PLXDC1: variants seen among roughly 807,000 people sequenced by gnomAD.
PLXDC1 encodes the protein plexin domain-containing protein 1.
PLXDC1 carries 39 observed loss-of-function variants against 61.3 expected under a neutral mutation model. That is an observed-to-expected ratio of 0.64 (90% CI 0.49 to 0.83). PLXDC1 has a LOEUF of 0.83. PLXDC1 is among the 40% of genes least tolerant of loss of function. The pLI is 0.00. For missense variants in PLXDC1, 596 were observed against 666.5 expected, an observed-to-expected ratio of 0.89 and a Z score of 1.17; for synonymous variants, 212 against 254.5, an observed-to-expected ratio of 0.83 and a Z score of 1.59.
At position 39,139,707 on chromosome 17, in the gene PLXDC1, C is replaced by T. The variant is rs757389606; in HGVS notation, c.202G>A (p.Gly68Ser). ...PDRTQLSQDL[G>S]GGTLAMDTLP... Reference sequence around the variant, plus strand: ...GTGTCCATGGCCAGGGTGCCCCCACCCAGGTCCTGGCTCAGCTGGGTCCTG... The same window carrying T: ...GTGTCCATGGCCAGGGTGCCCCCACTCAGGTCCTGGCTCAGCTGGGTCCTG... The change falls in exon 2 of 14, where the codon GGT becomes AGT. Residue 68 changes from glycine to serine, a missense_variant. Transcript: ENST00000315392. 1.1e-5 allele frequency: 18 copies of T among 1,613,886 alleles called. No homozygotes were observed. The highest frequency in any genetic ancestry group is 8.0e-5 in the African/African-American group (6 of 74,898).
At chr17:39,130,597 C>T (rs971880162) in intron 2 of PLXDC1, among the ~76,000 whole-genome samples, 18 of 152,040 alleles carry the variant, frequency 1.2e-4, no homozygotes, top group Non-Finnish European at 1.8e-4. Context: ...GACAGTCTTG[C>T]TCTGTCGCCC....
intron 2 of PLXDC1, among the ~76,000 whole-genome samples, chr17:39,110,081 G>A (rs546350951): frequency 3.9e-4 from 59 of 152,112 alleles, no homozygotes; most frequent in African/African-American, 1.4e-3. Context: ...AGCCGAGATC[G>A]CGCCACTGCA....
intron 1 of PLXDC1, among the ~76,000 whole-genome samples, chr17:39,142,253 A>T (rs1329575013): frequency 6.6e-6 from 1 of 152,194 alleles, no homozygotes; most frequent in African/African-American, 2.4e-5. Context: ...CACTACCTAG[A>T]TACTGTCTAG....
At chr17:39,119,853 G>A (rs918347390) in intron 2 of PLXDC1, among the ~76,000 whole-genome samples, 2 of 152,104 alleles carry the variant, frequency 1.3e-5, no homozygotes, top group African/African-American at 4.8e-5. Context: ...ATCAGCCACT[G>A]TAAACTAAAA....
At chr17:39,112,797 G>A (rs991124646) in intron 2 of PLXDC1, among the ~76,000 whole-genome samples, 1 of 152,092 alleles carries the variant, frequency 6.6e-6, no homozygotes, top group Non-Finnish European at 1.5e-5. Flanking sequence ...TTAAAATTAG[G>A]GAAATAAACC....
At chr17:39,109,050 G>T in intron 3 of PLXDC1, 77 bp from the exon 4 acceptor site, 2 of 1,335,184 alleles carry the variant, frequency 1.5e-6, no homozygotes, top group Non-Finnish European at 2.1e-6. Flanking sequence ...CCTCATGCTT[G>T]TTTGGACAGA....
intron 8 of PLXDC1, among the ~76,000 whole-genome samples, chr17:39,086,859 C>CAAAAAAAAAAAAAAAAAAAAAAA (rs765774886): frequency 5.6e-5 from 4 of 71,522 alleles, no homozygotes; most frequent in African/African-American, 1.1e-4. Flanking sequence ...GAGACTGTCT[C>CAAAAAAAAAAAAAAAAAAAAAAA]AAAAAAAAAA....
At chr17:39,089,250 C>G (rs1339606351) in intron 7 of PLXDC1, among the ~76,000 whole-genome samples, 2 of 152,208 alleles carry the variant, frequency 1.3e-5, no homozygotes, top group Non-Finnish European at 2.9e-5. Flanking sequence ...TCCTGCCTCT[C>G]TGGCCACGCT....
In PLXDC1 at chr17:39,128,105, A is replaced by ATG. The variant is rs1363076233; in HGVS notation, c.255+11548_255+11549insCA. Among the ~76,000 whole-genome samples the ATG allele has an allele frequency of 1.5e-3, 122 of 81,762 alleles. 1 individual carries two copies. Among genetic ancestry groups the ATG allele is most frequent in the Non-Finnish European group, 2.2e-3 (91 of 42,128 alleles). 53.6% of individuals were successfully genotyped at this position (81,762 alleles called of 152,430 possible). A position where few individuals can be genotyped will look rare whatever the true frequency, so the allele number is the denominator to read the frequency against. On this transcript the variant is annotated intron_variant, in intron 2 of 13. Coordinates refer to ENST00000315392, the MANE Select transcript of PLXDC1 (RefSeq NM_020405.5). ...TCTCTCTCTCTCTATGTGTATATAT[A>ATG]TATATATATGTATATATATATGTGT...
In PLXDC1 at chr17:39,087,632, C is replaced by T. The variant is rs752289284; in HGVS notation, c.882G>A (p.Ser294=). ...TCGGCAATGGGGTGAACTCCACGGC[C>T]GACATGCTGGTGACCTTGCTGGGGT... The part of the protein sequence containing the change: ...ELDPSKVTSM[S]AVEFTPLPTC... Residue 294 remains serine, a synonymous_variant, in exon 8 of 14, where the codon TCG becomes TCA. Coordinates refer to ENST00000315392, the MANE Select transcript of PLXDC1 (RefSeq NM_020405.5). The T allele has an allele frequency of 2.3e-5, 37 of 1,613,964 alleles. No homozygotes were observed. Among genetic ancestry groups the T allele is most frequent in the South Asian group, 5.5e-5 (5 of 91,074 alleles).
chr17:39,151,621 C>T lies in PLXDC1; in HGVS notation c.-184G>A, dbSNP rs943272680. The T allele has an allele frequency of 9.5e-7, 1 of 1,056,462 alleles. No homozygotes were observed. Among genetic ancestry groups the T allele is most frequent in the African/African-American group, 1.7e-5 (1 of 58,138 alleles). The allele number at this position is 1,056,462 out of a possible 1,614,324, so 65.4% of individuals were successfully genotyped here. On this transcript the variant is annotated 5_prime_UTR_variant, in exon 1 of 14. Coordinates refer to ENST00000315392, the MANE Select transcript of PLXDC1 (RefSeq NM_020405.5). This position sits in a 1 kb window ranked among gnomAD's most constrained non-coding sequence, Gnocchi z 5.2. ...GCGAGAGCGCGAGCGGAGCTGGAGG[C>T]TGCGGCCTCCGGGAGCAGGCGGGGA... is the stretch of plus-strand genomic sequence containing the variant.
At chr17:39,152,494 G>T (rs766089117), upstream of PLXDC1, 64 of 1,218,608 alleles carry the variant, frequency 5.3e-5, no homozygotes, top group South Asian at 1.6e-4. Flanking sequence ...TTTAATAGAC[G>T]GCAAGGAATC....
chr17:39,074,723 T>G (rs1909259787), intron 11 of PLXDC1, among the ~76,000 whole-genome samples: 1 of 152,102 alleles, frequency 6.6e-6, no homozygotes, highest in African/African-American at 2.4e-5. Flanking sequence ...ACTGTCTGGC[T>G]AAACCCTCTG....
chr17:39,103,996 G>T (rs1017293690), intron 7 of PLXDC1, among the ~76,000 whole-genome samples: 8 of 152,212 alleles, frequency 5.3e-5, no homozygotes, highest in Non-Finnish European at 8.8e-5. Flanking sequence ...GTGTGAAAGT[G>T]CTGTGGCGGC....
intron 7 of PLXDC1, among the ~76,000 whole-genome samples, chr17:39,100,210 G>A (rs967092403): frequency 1.3e-5 from 2 of 152,222 alleles, no homozygotes; most frequent in Middle Eastern, 3.4e-3. Context: ...ACCCCATCAC[G>A]GGGGTAACTG....
chr17:39,069,434 A>G (rs1367626378), intron 13 of PLXDC1, among the ~76,000 whole-genome samples: 2 of 152,172 alleles, frequency 1.3e-5, no homozygotes, highest in African/African-American at 4.8e-5. Context: ...AGGTATCAGT[A>G]GGCAAAAGAG....
intron 2 of PLXDC1, among the ~76,000 whole-genome samples, chr17:39,119,934 T>C (rs1464242094): frequency 6.6e-6 from 1 of 151,722 alleles, no homozygotes; most frequent in Non-Finnish European, 1.5e-5. Context: ...AAAAGCTGAG[T>C]TCCCAGCCAT....
rs1400348283 is a variant in PLXDC1 at position 39,078,011 on chromosome 17, T to G, written c.1088A>C (p.Asp363Ala). The G allele has an allele frequency of 4.3e-6, 7 of 1,612,526 alleles. No individual in the cohort carries two copies. Among genetic ancestry groups the G allele is most frequent in the African/African-American group, 2.7e-5 (2 of 74,890 alleles). Residue 363 changes from aspartate to alanine, a missense_variant, in exon 11 of 14, where the codon GAC (aspartate) becomes GCC (alanine). By Grantham distance (126) the Asp-to-Ala change is moderately radical (BLOSUM62 -2). Transcript: ENST00000315392. ...AGTGTCAGGGGAGGCTGAGTCGTGG[T>G]CCTCATCCTGGAAGTCCTCGCACAT... ...GRMCEDFQDE[D>A]HDSASPDTSF...
intron 13 of PLXDC1, among the ~76,000 whole-genome samples, chr17:39,068,444 A>G (rs929459792): frequency 1.3e-5 from 2 of 152,240 alleles, no homozygotes; most frequent in African/African-American, 2.4e-5. Flanking sequence ...TGGGAGGCCA[A>G]GATGGGCAGA....
Sources: allele counts gnomAD v4.1 joint callset (sites outside exome capture counted in the v4.1 genomes callset), GRCh38; gene constraint gnomAD v4.1.1; non-coding constraint Gnocchi (gnomAD v3.1); transcripts MANE v1.5; gene names NCBI Gene and HGNC (gene_info 2026-07-23, HGNC 2026-07-21).